CALN1: variants seen among roughly 807,000 people sequenced by gnomAD.
CALN1 encodes the protein calneuron 1.
Under a neutral mutation model 30.6 loss-of-function variants are expected in CALN1, and 17 were observed. The ratio of observed to expected loss-of-function variants is 0.56; its 90% CI spans 0.38 to 0.83. The LOEUF is 0.83. Among genes scored for constraint, CALN1 ranks in the 40% least tolerant of loss-of-function variants. The pLI is 0.00. For synonymous variants in CALN1, 156 were observed against 131.4 expected, an observed-to-expected ratio of 1.19 and a Z score of -1.28; for missense variants, 291 against 354.9, an observed-to-expected ratio of 0.82 and a Z score of 1.45.
At chr7:72,337,542 T>TA (rs1165804181) in intron 2 of CALN1, 1 of 153,540 alleles carries the variant, frequency 6.5e-6, no homozygotes, top group African/African-American at 2.4e-5. Flanking sequence ...CTGCCCACGT[T>TA]AACTCCGGCA....
intron 3 of CALN1, among the ~76,000 whole-genome samples, chr7:72,167,568 C>A (rs987796121): frequency 9.2e-5 from 14 of 152,194 alleles, no homozygotes; most frequent in African/African-American, 3.1e-4. Flanking sequence ...TGGTCTTGAG[C>A]TCCTGACCTC....
chr7:71,900,257 A>C (rs1175306260), intron 5 of CALN1, among the ~76,000 whole-genome samples: 1 of 152,234 alleles, frequency 6.6e-6, no homozygotes, highest in Non-Finnish European at 1.5e-5. Context: ...CTAATTTAAG[A>C]CAAAGATGTC....
At chr7:72,491,237 A>C in the CALN1 span, among the ~76,000 whole-genome samples, 7 of 151,644 alleles carry the variant, frequency 4.6e-5, no homozygotes, top group African/African-American at 1.7e-4. Context: ...AAAAAAAAAA[A>C]AAACAAAAAC....
At chr7:72,225,497 A>G (rs1793607437) in intron 3 of CALN1, among the ~76,000 whole-genome samples, 1 of 151,984 alleles carries the variant, frequency 6.6e-6, no homozygotes, top group African/African-American at 2.4e-5. Context: ...GCCAATGGGG[A>G]AAAGAGGTCA....
At chr7:72,372,558 T>C (rs1284698628) in intron 2 of CALN1, among the ~76,000 whole-genome samples, 2 of 152,202 alleles carry the variant, frequency 1.3e-5, no homozygotes, top group Non-Finnish European at 2.9e-5. Context: ...CATGAGTATA[T>C]TGATTCAATC....
At chr7:71,978,945 A>G (rs1355564117) in intron 5 of CALN1, among the ~76,000 whole-genome samples, 1 of 152,198 alleles carries the variant, frequency 6.6e-6, no homozygotes, top group African/African-American at 2.4e-5. Flanking sequence ...GCTTTTGTTC[A>G]GTACTGTCTT....
At chr7:72,088,829 C>G (rs1463729065) in intron 4 of CALN1, among the ~76,000 whole-genome samples, 1 of 151,180 alleles carries the variant, frequency 6.6e-6, no homozygotes, top group Non-Finnish European at 1.5e-5. Flanking sequence ...TTTATCTAAC[C>G]CATTTGTTTA....
At chr7:72,150,875 G>T (rs1353684318) in intron 3 of CALN1, among the ~76,000 whole-genome samples, 1 of 148,536 alleles carries the variant, frequency 6.7e-6, no homozygotes, top group Non-Finnish European at 1.5e-5. Context: ...GTGATGATAT[G>T]ATGATGATGA....
chr7:72,142,387 T>C (rs968825876), intron 3 of CALN1, among the ~76,000 whole-genome samples: 5 of 152,124 alleles, frequency 3.3e-5, no homozygotes, highest in African/African-American at 1.2e-4. Flanking sequence ...AGCACAGCAG[T>C]CTGAGATCGA....
chr7:72,433,401 A>T (rs909767891), intron 1 of CALN1, among the ~76,000 whole-genome samples: 1 of 152,124 alleles, frequency 6.6e-6, no homozygotes, highest in African/African-American at 2.4e-5. Context: ...GGGACTAAAA[A>T]ACCCAAGAGT....
chr7:72,221,989 G>A (rs999548316), intron 3 of CALN1, among the ~76,000 whole-genome samples: 2 of 152,064 alleles, frequency 1.3e-5, no homozygotes, highest in African/African-American at 2.4e-5. Context: ...ACTTTGGGAG[G>A]CCAAGGCGGG....
At chr7:72,092,801 A>G (rs545247423) in intron 4 of CALN1, among the ~76,000 whole-genome samples, 2 of 152,250 alleles carry the variant, frequency 1.3e-5, no homozygotes, top group South Asian at 4.1e-4. Flanking sequence ...TGAAATGTGA[A>G]TAGAAGTGAC....
At chr7:72,336,192 G>A (rs1227747107) in intron 2 of CALN1, among the ~76,000 whole-genome samples, 2 of 152,064 alleles carry the variant, frequency 1.3e-5, no homozygotes, top group Non-Finnish European at 2.9e-5. Flanking sequence ...GAGGTGGAGA[G>A]AACCCTGCCT....
At chr7:71,791,591 C>A (rs1413566659) in intron 6 of CALN1, among the ~76,000 whole-genome samples, 6 of 152,136 alleles carry the variant, frequency 3.9e-5, no homozygotes. Flanking sequence ...AGAAAAAAAT[C>A]ACTATTGGGT....
intron 2 of CALN1, among the ~76,000 whole-genome samples, chr7:72,381,459 G>A (rs775012086): frequency 6.6e-5 from 10 of 152,132 alleles, no homozygotes; most frequent in African/African-American, 9.7e-5. Context: ...ATGGTAGACT[G>A]GATAAAGAAA....
At chr7:72,406,292 A>T (rs1256440059) in intron 1 of CALN1, among the ~76,000 whole-genome samples, 1 of 152,128 alleles carries the variant, frequency 6.6e-6, no homozygotes, top group East Asian at 1.9e-4. Flanking sequence ...TGCACATAAG[A>T]CAGACCTCCA....
chr7:72,377,944 G>A (rs1585615388), intron 2 of CALN1, among the ~76,000 whole-genome samples: 1 of 150,080 alleles, frequency 6.7e-6, no homozygotes, highest in East Asian at 1.9e-4. Context: ...GGAATATATT[G>A]GAGTTTTTCA....
chr7:72,387,298 G>GAGGA lies in CALN1; in HGVS notation c.119+15952_119+15953insTCCT, dbSNP rs1480863534. 9.5e-3 allele frequency among the ~76,000 whole-genome samples: 65 copies of GAGGA among 6,812 alleles called. 2 individuals are homozygous for GAGGA. Among genetic ancestry groups the GAGGA allele is most frequent in the East Asian group, 0.022 (4 of 178 alleles). 4.5% of individuals were successfully genotyped at this position (6,812 alleles called of 152,430 possible). On this transcript the variant is annotated intron_variant, in intron 2 of 6. Transcript: ENST00000395275. ...GAAGGGAGGGAGGGAGGGAGGGAGGGAGGGAGGGAGGCAGGCATCTCCCAT... is the reference window on the plus strand; with the variant it reads ...GAAGGGAGGGAGGGAGGGAGGGAGGGAGGAAGGGAGGGAGGCAGGCATCTCCCAT...
intron 2 of CALN1, among the ~76,000 whole-genome samples, chr7:72,289,916 AAAAAT>A (rs1798357755): frequency 6.6e-6 from 1 of 151,620 alleles, no homozygotes; most frequent in Non-Finnish European, 1.5e-5. Context: ...CATTTCTACA[AAAAAT>A]AAAACAATTA....
Sources: gnomAD v4.1 joint callset for allele counts (sites outside exome capture counted in the v4.1 genomes callset) on GRCh38, gnomAD v4.1.1 for gene constraint, MANE v1.5 for transcripts, NCBI Gene and HGNC (gene_info 2026-07-23, HGNC 2026-07-21) for gene names.